Variants in DACH2 observed in about 807,000 individuals in gnomAD.
DACH2 encodes the protein dachshund homolog 2.
In DACH2, 17 loss-of-function variants were observed where a neutral mutation model predicts 35.8. That is an observed-to-expected ratio of 0.48 (90% confidence interval 0.33 to 0.71). DACH2 has a LOEUF of 0.71. Ranked by LOEUF, DACH2 falls within the 30% of genes least tolerant of loss-of-function variation. DACH2 has a pLI of 0.02. For missense variants in DACH2, 469 were observed against 472.7 expected, an observed-to-expected ratio of 0.99 and a Z score of 0.07; for synonymous variants, 195 against 177.3, an observed-to-expected ratio of 1.10 and a Z score of -0.79.
At chrX:86,600,039 T>G (rs2039769806) in intron 3 of DACH2, among the ~76,000 whole-genome samples, 1 of 111,007 alleles carries the variant, frequency 9.0e-6, no homozygotes, top group East Asian at 2.9e-4. Context: ...TTTGTGTCTT[T>G]TAGGAGATAT....
intron 2 of DACH2, among the ~76,000 whole-genome samples, chrX:86,387,679 G>A (rs774509176): frequency 5.4e-5 from 6 of 111,584 alleles, no homozygotes; most frequent in South Asian, 7.4e-4. Context: ...TGTAAAGGTC[G>A]GGACCATCCC....
At chrX:86,368,661 C>T (rs1378162239) in intron 1 of DACH2, among the ~76,000 whole-genome samples, 1 of 107,318 alleles carries the variant, frequency 9.3e-6, no homozygotes, top group African/African-American at 3.4e-5. Context: ...TACCTGGGCT[C>T]AAGCGATCCT....
intron 2 of DACH2, among the ~76,000 whole-genome samples, chrX:86,406,686 T>A (rs1334390300): frequency 8.9e-6 from 1 of 112,055 alleles, no homozygotes; most frequent in African/African-American, 3.2e-5. Context: ...TATGGGAGAA[T>A]GACTGATCCC....
intron 2 of DACH2, among the ~76,000 whole-genome samples, chrX:86,388,646 T>C (rs2036156223): frequency 1.8e-5 from 2 of 111,986 alleles, no homozygotes; most frequent in African/African-American, 6.5e-5. Context: ...AATATTTCAA[T>C]CAAATTCTAG....
chrX:86,250,328 T>A (rs771856842), intron 1 of DACH2, among the ~76,000 whole-genome samples: 1 of 111,751 alleles, frequency 8.9e-6, no homozygotes, highest in Non-Finnish European at 1.9e-5. Context: ...ATTAAAATGT[T>A]GTCAATGTGG....
intron 1 of DACH2, among the ~76,000 whole-genome samples, chrX:86,240,260 C>T (rs182877880): frequency 9.0e-6 from 1 of 110,929 alleles, no homozygotes; most frequent in African/African-American, 3.3e-5. Flanking sequence ...ACGCTCATCA[C>T]ACCAGAGAGT....
At chrX:86,514,510 C>T in intron 3 of DACH2, 119 bp downstream of exon 3, 1 of 659,657 alleles carries the variant, frequency 1.5e-6, no homozygotes, top group African/African-American at 2.2e-5. Flanking sequence ...TTAGAGGTTA[C>T]ATTACTGAAT....
intron 9 of DACH2, among the ~76,000 whole-genome samples, 154 bp downstream of exon 9, chrX:86,813,431 T>C (rs1193149225): frequency 3.2e-5 from 3 of 94,499 alleles, no homozygotes; most frequent in African/African-American, 1.2e-4. Context: ...AGAAACCCCA[T>C]CTCTACTAAA....
At chrX:86,776,842 G>T in intron 7 of DACH2, among the ~76,000 whole-genome samples, 1 of 111,339 alleles carries the variant, frequency 9.0e-6, no homozygotes, top group Non-Finnish European at 1.9e-5. Context: ...GCGGTGTTTG[G>T]TTTTTTGTCC....
At chrX:86,340,916 G>T (rs1012853287) in intron 1 of DACH2, among the ~76,000 whole-genome samples, 2 of 111,915 alleles carry the variant, frequency 1.8e-5, no homozygotes, top group African/African-American at 6.5e-5. Flanking sequence ...TGAATGCTGA[G>T]AGAGATAAGA....
chrX:86,388,967 G>C (rs917375608), intron 2 of DACH2, among the ~76,000 whole-genome samples: 3 of 110,820 alleles, frequency 2.7e-5, no homozygotes, highest in African/African-American at 9.8e-5. Flanking sequence ...CAGACTTTAA[G>C]GCTTATATAA....
intron 3 of DACH2, among the ~76,000 whole-genome samples, chrX:86,646,893 T>C (rs1237496771): frequency 1.8e-5 from 2 of 109,025 alleles, no homozygotes; most frequent in Non-Finnish European, 3.8e-5. Flanking sequence ...AAATAAGACA[T>C]ACAAATGACC....
chrX:86,226,094 T>C lies in DACH2; in HGVS notation c.488+76986T>C, dbSNP rs761527692. On this transcript the variant is annotated intron_variant, in intron 1 of 11. Coordinates refer to ENST00000373125, the MANE Select transcript of DACH2 (RefSeq NM_053281.3). ...AATGTTCTCCTAAAAAGTACACTTA[T>C]TGAACACAGACATGAGAAGGAAAAG... is the stretch of plus-strand genomic sequence containing the variant. Among the ~76,000 whole-genome samples, 14 of 111,829 alleles carry C rather than the reference T, an allele frequency of 1.3e-4. 1 individual carries two copies. The highest frequency in any genetic ancestry group is 8.3e-3 in the Middle Eastern group (2 of 240).
intron 2 of DACH2, among the ~76,000 whole-genome samples, chrX:86,418,425 C>T (rs2036746327): frequency 2.7e-5 from 3 of 112,339 alleles, no homozygotes; most frequent in Non-Finnish European, 3.8e-5. Flanking sequence ...CATACATCCT[C>T]TGAAATCTAG....
At chrX:86,290,065 A>G (rs1198433834) in intron 1 of DACH2, among the ~76,000 whole-genome samples, 3 of 87,811 alleles carry the variant, frequency 3.4e-5, no homozygotes, top group Non-Finnish European at 6.6e-5. Flanking sequence ...CTATTTCTCC[A>G]CATCCTCTCC....
chrX:86,610,418 T>A (rs12846483), intron 3 of DACH2, among the ~76,000 whole-genome samples: 5 of 62,204 alleles, frequency 8.0e-5, no homozygotes, highest in African/African-American at 2.6e-4. Flanking sequence ...TCTTTCTTTC[T>A]TTTCTTTCTT....
intron 3 of DACH2, among the ~76,000 whole-genome samples, chrX:86,644,929 T>C (rs915834844): frequency 1.8e-5 from 2 of 108,755 alleles, no homozygotes; most frequent in Non-Finnish European, 3.8e-5. Flanking sequence ...TATGGATTAA[T>C]GACTTAAATG....
chrX:86,295,434 A>G (rs1354188618), intron 1 of DACH2, among the ~76,000 whole-genome samples: 1 of 111,826 alleles, frequency 8.9e-6, no homozygotes, highest in Non-Finnish European at 1.9e-5. Flanking sequence ...CGCTCTAAGC[A>G]GGTTTCATAC....
At chrX:86,411,051 A>ATATATATATATATATATATATAG (rs2036606064) in intron 2 of DACH2, among the ~76,000 whole-genome samples, 1 of 21,512 alleles carries the variant, frequency 4.6e-5, no homozygotes, top group African/African-American at 2.9e-4. Context: ...TATATATGTA[A>ATATATATATATATATATATATAG]AGGGGAGTTT....
Sources: allele counts gnomAD v4.1 joint callset (sites outside exome capture counted in the v4.1 genomes callset), GRCh38; gene constraint gnomAD v4.1.1; transcripts MANE v1.5; gene names NCBI Gene and HGNC (gene_info 2026-07-23, HGNC 2026-07-21).